The following RPS6KA5 variants were observed in gnomAD, a reference collection of about 807,000 sequenced individuals.
The protein encoded by RPS6KA5 is ribosomal protein S6 kinase alpha-5.
RPS6KA5 carries 27 observed loss-of-function variants against 85.5 expected under a neutral mutation model. The ratio of observed to expected loss-of-function variants is 0.32; its 90% CI spans 0.23 to 0.44. The LOEUF is 0.44. Ranked by LOEUF, RPS6KA5 falls within the 20% of genes least tolerant of loss-of-function variation. The pLI, the probability that RPS6KA5 is intolerant of heterozygous loss-of-function variation, is 1.00. For missense variants in RPS6KA5, 811 were observed against 980.9 expected (o/e 0.83, Z 2.31); for synonymous variants, 334 against 348.2 (o/e 0.96, Z 0.46).
intron 1 of RPS6KA5, among the ~76,000 whole-genome samples, chr14:91,041,039 T>C (rs766041507): frequency 5.3e-5 from 8 of 152,086 alleles, no homozygotes; most frequent in Non-Finnish European, 1.0e-4. Context: ...TAGAAATAAC[T>C]AGAGGGCGAC....
intron 1 of RPS6KA5, among the ~76,000 whole-genome samples, chr14:91,043,717 G>A (rs565496019): frequency 6.6e-6 from 1 of 152,220 alleles, no homozygotes; most frequent in East Asian, 1.9e-4. Flanking sequence ...GTACAAAACT[G>A]GATCCTATCT....
intron 2 of RPS6KA5, among the ~76,000 whole-genome samples, chr14:90,997,994 C>G (rs920723660): frequency 9.6e-5 from 11 of 114,970 alleles, no homozygotes; most frequent in African/African-American, 3.8e-4. Context: ...GGTGGCACAG[C>G]GAGACTCTGT....
At chr14:90,883,496 A>G (rs1359696233) in intron 14 of RPS6KA5, among the ~76,000 whole-genome samples, 1 of 151,980 alleles carries the variant, frequency 6.6e-6, no homozygotes, top group Non-Finnish European at 1.5e-5. Context: ...CAGGTTTTCT[A>G]TCTCTTTACT....
chr14:90,885,105 T>C (rs563936933), intron 14 of RPS6KA5, among the ~76,000 whole-genome samples: 1 of 151,716 alleles, frequency 6.6e-6, no homozygotes, highest in South Asian at 2.1e-4. Context: ...ATACAAAAAT[T>C]AGCTGGGCAT....
intron 2 of RPS6KA5, among the ~76,000 whole-genome samples, chr14:90,996,309 T>A (rs193133791): frequency 6.6e-6 from 1 of 152,020 alleles, no homozygotes; most frequent in African/African-American, 2.4e-5. Flanking sequence ...AGTGCTGAGA[T>A]TACAGGCATA....
At chr14:90,891,250 CAT>C (rs2094865955) in intron 13 of RPS6KA5, among the ~76,000 whole-genome samples, 1 of 150,392 alleles carries the variant, frequency 6.6e-6, no homozygotes, top group African/African-American at 2.5e-5. Context: ...TGAACAAAGT[CAT>C]AAATAAAATA....
chr14:90,971,348 C>A (rs544098398), intron 3 of RPS6KA5, among the ~76,000 whole-genome samples: 2 of 152,146 alleles, frequency 1.3e-5, no homozygotes, highest in Non-Finnish European at 2.9e-5. Context: ...CCCTACCATG[C>A]CTATTTATTC....
At chr14:90,920,364 A>G (rs1272428169) in intron 6 of RPS6KA5, 55 bp from the exon 7 acceptor site, 1 of 1,226,464 alleles carries the variant, frequency 8.2e-7, no homozygotes, top group Non-Finnish European at 1.2e-6. Context: ...ATATTTTATA[A>G]GAAAGAAAAA....
Position 90,999,777 on chromosome 14 carries a change from C to T in RPS6KA5, c.175+1311G>A, listed in dbSNP as rs2040701504. Among the ~76,000 whole-genome samples, 3 of 152,174 alleles carry T rather than the reference C, an allele frequency of 2.0e-5. No homozygotes were observed. In the South Asian group the frequency reaches 6.2e-4, roughly 32 times the overall value. On this transcript the variant is annotated intron_variant, in intron 2 of 16. Coordinates refer to ENST00000614987, the MANE Select transcript of RPS6KA5 (RefSeq NM_004755.4). ...TTACACCAAACATGGGGCTCTTCTACATGCAGGGATCTCTACAACTGCATA... is the reference window on the plus strand; with the variant it reads ...TTACACCAAACATGGGGCTCTTCTATATGCAGGGATCTCTACAACTGCATA...
At position 90,868,568 on chromosome 14, in the gene RPS6KA5, TGCTATTATTATCAGTCACTGG is replaced by T. The variant is rs910334697; in HGVS notation, c.*3485_*3505del. On this transcript the variant is annotated 3_prime_UTR_variant, in exon 17 of 17. Coordinates refer to ENST00000614987, the MANE Select transcript of RPS6KA5 (RefSeq NM_004755.4). ...TATTCTCACATGAACACTCAAATCA[TGCTATTATTATCAGTCACTGG>T]GAGAACAGCCAAAGTAATCAGGCAG... 1 of 152,216 alleles carries T rather than the reference TGCTATTATTATCAGTCACTGG, an allele frequency of 6.6e-6. No individual in the cohort carries two copies. The highest frequency in any genetic ancestry group is 1.5e-5 in the Non-Finnish European group (1 of 68,042). 9.4% of individuals were successfully genotyped at this position (152,216 alleles called of 1,614,324 possible).
intron 1 of RPS6KA5, chr14:91,052,352 C>T (rs1286724330): frequency 7.6e-6 from 3 of 393,840 alleles, no homozygotes; most frequent in Non-Finnish European, 1.5e-5. Context: ...CCTGTAATCC[C>T]AGCCACTTGG....
chr14:90,913,740 C>G (rs2035959273), intron 7 of RPS6KA5, among the ~76,000 whole-genome samples: 1 of 152,174 alleles, frequency 6.6e-6, no homozygotes, highest in South Asian at 2.1e-4. Context: ...CTTAGACTAC[C>G]TTTCCCTAAC....
chr14:90,947,263 G>A (rs893322783), intron 4 of RPS6KA5, among the ~76,000 whole-genome samples, 172 bp downstream of exon 4: 1 of 152,174 alleles, frequency 6.6e-6, no homozygotes, highest in Non-Finnish European at 1.5e-5. Context: ...CAATTGGAAA[G>A]TAGATTTTTT....
At chr14:90,964,031 G>A (rs949401525) in intron 3 of RPS6KA5, among the ~76,000 whole-genome samples, 4 of 152,100 alleles carry the variant, frequency 2.6e-5, no homozygotes, top group Non-Finnish European at 5.9e-5. Flanking sequence ...GTCAAGCAGT[G>A]GAGTGACCCA....
intron 14 of RPS6KA5, among the ~76,000 whole-genome samples, chr14:90,884,569 T>C (rs2140171886): frequency 6.6e-6 from 1 of 152,304 alleles, no homozygotes; most frequent in African/African-American, 2.4e-5. Flanking sequence ...GTCCAAGCCT[T>C]TCCCTGGAAG....
chr14:90,895,558 C>T (rs775300502), intron 12 of RPS6KA5, among the ~76,000 whole-genome samples: 10 of 152,060 alleles, frequency 6.6e-5, no homozygotes, highest in Non-Finnish European at 1.5e-4. Flanking sequence ...CTTCTCCACC[C>T]AGGCTCTTTT....
chr14:90,899,166 T>C (rs1265682023), intron 12 of RPS6KA5, among the ~76,000 whole-genome samples, 163 bp downstream of exon 12: 1 of 151,774 alleles, frequency 6.6e-6, no homozygotes, highest in East Asian at 1.9e-4. Flanking sequence ...CAGTGTGTGG[T>C]TGGGGAGGGG....
chr14:90,938,723 T>C (rs901786595), intron 5 of RPS6KA5, among the ~76,000 whole-genome samples: 1 of 152,182 alleles, frequency 6.6e-6, no homozygotes, highest in Admixed American at 6.5e-5. Context: ...TGGCTCCTTT[T>C]AGTCATGGCT....
At chr14:90,894,804 CT>C (rs2034748821) in intron 12 of RPS6KA5, among the ~76,000 whole-genome samples, 1 of 152,096 alleles carries the variant, frequency 6.6e-6, no homozygotes, top group Admixed American at 6.6e-5. Context: ...GCAGTGAAAT[CT>C]TTATACTGTA....
Sources: allele counts gnomAD v4.1 joint callset (sites outside exome capture counted in the v4.1 genomes callset), GRCh38; gene constraint gnomAD v4.1.1; transcripts MANE v1.5; gene names NCBI Gene and HGNC (gene_info 2026-07-23, HGNC 2026-07-21).